Variants in CCDC81 observed in about 807,000 individuals in gnomAD.
CCDC81 encodes the protein coiled-coil domain containing 81.
A neutral mutation model predicts 83.7 loss-of-function variants in CCDC81; 79 were observed. The ratio of observed to expected loss-of-function variants is 0.94; its 90% confidence interval spans 0.79 to 1.14. The LOEUF is 1.14. Among genes scored for constraint, CCDC81 ranks in the 50% most tolerant of loss-of-function variants. The probability of loss-of-function intolerance (pLI) is 0.00; values close to 1 mark genes in which losing one functional copy is unlikely to be tolerated. For synonymous variants in CCDC81, 252 were observed against 278.1 expected, an observed-to-expected ratio of 0.91 and a Z score of 0.93; for missense variants, 791 against 778.1, an observed-to-expected ratio of 1.02 and a Z score of -0.20.
chr11:86,418,816 AAG>A (rs1948753370), intron 13 of CCDC81, among the ~76,000 whole-genome samples: 1 of 152,188 alleles, frequency 6.6e-6, no homozygotes, highest in Non-Finnish European at 1.5e-5. Flanking sequence ...ATTTAACACT[AAG>A]TAACTGTACA....
intron 5 of CCDC81, 32 bp from the exon 6 acceptor site, chr11:86,397,589 T>C: frequency 1.3e-6 from 2 of 1,596,786 alleles, no homozygotes; most frequent in Non-Finnish European, 8.5e-7. Flanking sequence ...TCAGGTTCAG[T>C]GCAGCAGAAA....
intron 1 of CCDC81, among the ~76,000 whole-genome samples, chr11:86,382,289 T>C (rs538197161): frequency 1.3e-5 from 2 of 152,132 alleles, no homozygotes; most frequent in South Asian, 4.1e-4. Context: ...TGAGAACAAA[T>C]GGTAGCTTGG....
chr11:86,414,693 C>A, intron 11 of CCDC81, 96 bp from the exon 12 acceptor site: 1 of 693,062 alleles, frequency 1.4e-6, no homozygotes, highest in Non-Finnish European at 2.5e-6. Flanking sequence ...ACTCTTGTTC[C>A]TATTTAATAC....
chr11:86,407,817 A>G, intron 8 of CCDC81, 116 bp downstream of exon 8: 1 of 772,208 alleles, frequency 1.3e-6, no homozygotes, highest in Non-Finnish European at 2.1e-6. Flanking sequence ...CAAGTACTCA[A>G]GTACTCAGGC....
chr11:86,397,859 C>CG, intron 6 of CCDC81, 117 bp downstream of exon 6: 1 of 1,096,920 alleles, frequency 9.1e-7, no homozygotes, highest in Non-Finnish European at 1.2e-6. Flanking sequence ...ATTATTATTA[C>CG]TTTTTTTTTT....
chr11:86,380,385 T>A (rs1948160911), intron 1 of CCDC81, among the ~76,000 whole-genome samples: 1 of 152,148 alleles, frequency 6.6e-6, no homozygotes, highest in Admixed American at 6.5e-5. Flanking sequence ...CAGGATTTGT[T>A]TTTAGCTCTG....
chr11:86,412,069 A>G (rs1948650127), intron 10 of CCDC81, among the ~76,000 whole-genome samples: 1 of 152,188 alleles, frequency 6.6e-6, no homozygotes, highest in South Asian at 2.1e-4. Flanking sequence ...TTTGAGACTG[A>G]TCTCTCATCT....
intron 1 of CCDC81, among the ~76,000 whole-genome samples, chr11:86,380,154 C>G (rs777298059): frequency 4.6e-5 from 7 of 151,456 alleles, no homozygotes; most frequent in Non-Finnish European, 1.5e-5. Flanking sequence ...GCAATTAATT[C>G]CCTTAATTTT....
intron 6 of CCDC81, among the ~76,000 whole-genome samples, chr11:86,400,421 C>T (rs7947323): frequency 0.43 from 66,050 of 152,010 alleles, 14,678 homozygotes; most frequent in African/African-American, 0.48. Context: ...TAAACTAACA[C>T]GTCTCCTGGT....
intron 1 of CCDC81, among the ~76,000 whole-genome samples, chr11:86,377,883 G>T (rs1199577958): frequency 6.8e-6 from 1 of 148,088 alleles, no homozygotes; most frequent in Non-Finnish European, 1.5e-5. Flanking sequence ...TCTTCTAGGA[G>T]TTCTGTGGTT....
intron 13 of CCDC81, among the ~76,000 whole-genome samples, chr11:86,417,358 T>C (rs1948734583): frequency 6.6e-6 from 1 of 152,208 alleles, no homozygotes; most frequent in Non-Finnish European, 1.5e-5. Flanking sequence ...GTAGGTTACA[T>C]ATTAACCTTA....
chr11:86,386,152 T>C, intron 2 of CCDC81, 40 bp downstream of exon 2: 1 of 764,176 alleles, frequency 1.3e-6, no homozygotes, highest in Non-Finnish European at 1.8e-6. Context: ...ATAAATTAAT[T>C]TATTAATTTT....
chr11:86,388,370 C>T (rs79193188), intron 3 of CCDC81, among the ~76,000 whole-genome samples: 383 of 152,268 alleles, frequency 2.5e-3, no homozygotes, highest in African/African-American at 8.7e-3. Flanking sequence ...CTTCGTAACA[C>T]CTCCCTTGGT....
intron 11 of CCDC81, among the ~76,000 whole-genome samples, chr11:86,413,267 T>A (rs1222930533): frequency 6.6e-6 from 1 of 152,166 alleles, no homozygotes; most frequent in African/African-American, 2.4e-5. Flanking sequence ...TCTCTCGACG[T>A]CCAGCCGCTT....
At chr11:86,400,950 G>A (rs1417821227) in intron 7 of CCDC81, 149 bp downstream of exon 7, 1 of 801,414 alleles carries the variant, frequency 1.2e-6, no homozygotes, top group Non-Finnish European at 1.9e-6. Context: ...AATAATAAAG[G>A]TGACCAAGGT....
At chr11:86,394,563 G>A (rs1477431743) in intron 4 of CCDC81, among the ~76,000 whole-genome samples, 1 of 152,200 alleles carries the variant, frequency 6.6e-6, no homozygotes, top group African/African-American at 2.4e-5. Flanking sequence ...ATTCCCAAAT[G>A]ACCCGTAACT....
In CCDC81 at chr11:86,392,599, C is replaced by T. The variant is rs1948348666; in HGVS notation, c.357C>T (p.Asn119=). ...FVMISLEGPF[N]RDVVEGCVKE... ...TGATATCCCTGGAGGGTCCATTTAA[C>T]AGAGATGTAGTGGAAGGATGTGTGA... The change falls in exon 4 of 15, where the codon AAC becomes AAT. Residue 119 remains asparagine, a synonymous_variant. Coordinates refer to ENST00000445632, the MANE Select transcript of CCDC81 (RefSeq NM_001156474.2). 7 of 1,551,672 alleles carry T rather than the reference C, an allele frequency of 4.5e-6. No individual in the cohort carries two copies. The highest frequency in any genetic ancestry group is 6.1e-6 in the Non-Finnish European group (7 of 1,146,970).
Position 86,386,067 on chromosome 11 carries a change from G to C in CCDC81, c.96G>C (p.Trp32Cys), listed in dbSNP as rs763182214. ...SLSQEEVSIIWGNVSEFVRRQ... is the reference protein window; with the variant it reads ...SLSQEEVSIICGNVSEFVRRQ... ...GAATTTCAGAAGTCTCTATTATCTGGGGGAATGTATCAGAATTTGTGAGAC... is the reference window on the plus strand; with the variant it reads ...GAATTTCAGAAGTCTCTATTATCTGCGGGAATGTATCAGAATTTGTGAGAC... The change falls in exon 2 of 15, where the codon TGG becomes TGC. Residue 32 changes from tryptophan (W) to cysteine (C), a missense_variant. By Grantham distance (215) the Trp-to-Cys change is radical (BLOSUM62 -2). Transcript: ENST00000445632. The C allele has an allele frequency of 6.6e-7, 1 of 1,526,184 alleles. No individual in the cohort carries two copies. The highest frequency in any genetic ancestry group is 1.4e-5 in the African/African-American group (1 of 71,524). 94.5% of individuals were successfully genotyped at this position (1,526,184 alleles called of 1,614,324 possible).
intron 3 of CCDC81, among the ~76,000 whole-genome samples, chr11:86,388,419 G>GC (rs1948278610): frequency 3.3e-5 from 5 of 152,052 alleles, no homozygotes; most frequent in Admixed American, 3.3e-4. Context: ...CTGATTCCTG[G>GC]CTGTGTTCCT....
Sources: allele counts gnomAD v4.1 joint callset (sites outside exome capture counted in the v4.1 genomes callset), GRCh38; gene constraint gnomAD v4.1.1; transcripts MANE v1.5; gene names NCBI Gene and HGNC (gene_info 2026-07-23, HGNC 2026-07-21).